Variants in PREX1 observed in about 807,000 individuals in gnomAD.
The protein encoded by PREX1 is phosphatidylinositol 3,4,5-trisphosphate-dependent Rac exchanger 1 protein.
In PREX1, 41 loss-of-function variants were observed where a neutral mutation model predicts 198.3. The observed-to-expected ratio is 0.21, with a 90% CI of 0.16 to 0.27. The LOEUF (loss-of-function observed/expected upper bound fraction) is 0.27, where lower values mean the gene tolerates loss of function less well. Among genes scored for constraint, PREX1 ranks in the 10% least tolerant of loss-of-function variants. PREX1 has a pLI of 1.00. For missense variants in PREX1, 1,620 were observed against 2,200.7 expected (o/e 0.74, Z 5.28); for synonymous variants, 843 against 887.2 (o/e 0.95, Z 0.89).
At chr20:48,700,913 A>G (rs367810632) in intron 6 of PREX1, 27 bp from the exon 7 acceptor site, 19 of 1,613,688 alleles carry the variant, frequency 1.2e-5, no homozygotes, top group Non-Finnish European at 1.6e-5. Context: ...GACACAGTGA[A>G]TGAGCCAACC....
intron 1 of PREX1, among the ~76,000 whole-genome samples, chr20:48,786,110 G>A (rs1462985589): frequency 6.6e-6 from 1 of 152,158 alleles, no homozygotes; most frequent in African/African-American, 2.4e-5. Context: ...GGGCCAGGAT[G>A]GCTCTGGGCA....
chr20:48,629,685 T>A, intron 36 of PREX1, 64 bp from the exon 37 acceptor site: 1 of 1,536,068 alleles, frequency 6.5e-7, no homozygotes, highest in South Asian at 1.2e-5. Flanking sequence ...TCAGCCCCCA[T>A]CTGGCCCTCC....
rs1293572613 is a variant in PREX1 at position 48,715,236 on chromosome 20, GA to G, written c.622-6816del. On this transcript the variant is annotated intron_variant, in intron 5 of 39. Transcript: ENST00000371941. ...GAACTACATGACTAAGAGGCCCGGTGAATCTGTAAGACCTCAAGGAGTCCAA... is the reference window on the plus strand; with the variant it reads ...GAACTACATGACTAAGAGGCCCGGTGATCTGTAAGACCTCAAGGAGTCCAA... Among the ~76,000 whole-genome samples the G allele has an allele frequency of 2.6e-5, 4 of 152,288 alleles. No individual in the cohort carries two copies. The East Asian group carries it at 7.7e-4, about 29-fold the overall frequency.
intron 6 of PREX1, among the ~76,000 whole-genome samples, 198 bp downstream of exon 6, chr20:48,708,062 C>A (rs1183551308): frequency 6.6e-6 from 1 of 152,200 alleles, no homozygotes. Flanking sequence ...CCAGTGTCAC[C>A]AAGTTTTTAA....
chr20:48,748,161 G>C (rs1470891266), intron 1 of PREX1, among the ~76,000 whole-genome samples: 4 of 152,156 alleles, frequency 2.6e-5, no homozygotes, highest in Non-Finnish European at 4.4e-5. Context: ...CAAAGCCCCT[G>C]CCTTCGAGGA....
chr20:48,657,712 G>GGT, intron 17 of PREX1, among the ~76,000 whole-genome samples: 1 of 152,118 alleles, frequency 6.6e-6, no homozygotes, highest in East Asian at 1.9e-4. Context: ...ACCTGCACAC[G>GGT]CCCCAGGCAA....
chr20:48,839,451 C>G, the PREX1 span, among the ~76,000 whole-genome samples: 9 of 152,174 alleles, frequency 5.9e-5, no homozygotes, highest in African/African-American at 2.2e-4. Flanking sequence ...GAGATAAAGA[C>G]ATAGTGTTTT....
chr20:48,661,419 CAAAAAAAAAAAAAAA>C (rs1168247790), intron 15 of PREX1, among the ~76,000 whole-genome samples: 1 of 12,024 alleles, frequency 8.3e-5, no homozygotes, highest in South Asian at 6.1e-3. Flanking sequence ...AACTCCATCT[CAAAAAAAAAAAAAAA>C]AAAAAAAAAA....
chr20:48,652,471 A>G, intron 21 of PREX1, 115 bp downstream of exon 21: 1 of 1,366,968 alleles, frequency 7.3e-7, no homozygotes, highest in South Asian at 1.5e-5. Flanking sequence ...ACCTGCTGGC[A>G]TGGAGGTGGA....
chr20:48,759,930 C>A lies in PREX1; in HGVS notation c.220-12050G>T, dbSNP rs1863794662. ...GCAATCAATCAATACGGCAAAACCT[C>A]ATCTCTACCAAAAATACAAACAAAC... On this transcript the variant is annotated intron_variant, in intron 1 of 39. Coordinates refer to ENST00000371941, the MANE Select transcript of PREX1 (RefSeq NM_020820.4). 2.0e-5 allele frequency among the ~76,000 whole-genome samples: 3 copies of A among 152,122 alleles called. No individual in the cohort carries two copies. In the South Asian group the frequency reaches 6.2e-4, roughly 32 times the overall value.
At chr20:48,804,094 C>T (rs1190652282) in intron 1 of PREX1, among the ~76,000 whole-genome samples, 1 of 152,086 alleles carries the variant, frequency 6.6e-6, no homozygotes, top group African/African-American at 2.4e-5. Flanking sequence ...TTTCTGACGC[C>T]CAGAAGAAGG....
In PREX1 at chr20:48,816,480, A is replaced by G. The variant is rs151216001; in HGVS notation, c.219+11162T>C. Among the ~76,000 whole-genome samples the G allele has an allele frequency of 6.5e-3, 994 of 152,286 alleles. 6 individuals are homozygous for G. Among genetic ancestry groups the G allele is most frequent in the African/African-American group, 0.023 (960 of 41,562 alleles). ...AAAATCAGCTGACTGAGTGAGCCTG[A>G]CCTAATCAGGTAAAGCCTTAAAAGA... is the stretch of plus-strand genomic sequence containing the variant. On this transcript the variant is annotated intron_variant, in intron 1 of 39. Coordinates refer to ENST00000371941, the MANE Select transcript of PREX1 (RefSeq NM_020820.4).
intron 5 of PREX1, among the ~76,000 whole-genome samples, chr20:48,717,700 T>G (rs367908308): frequency 1.6e-4 from 25 of 152,272 alleles, no homozygotes; most frequent in African/African-American, 5.8e-4. Flanking sequence ...AAAACTGTAG[T>G]CCCACCAATT....
At chr20:48,698,254 TG>T (rs1416045404) in intron 7 of PREX1, among the ~76,000 whole-genome samples, 3 of 152,132 alleles carry the variant, frequency 2.0e-5, no homozygotes, top group Non-Finnish European at 4.4e-5. Context: ...AATCAGCTGC[TG>T]TCCCTGCACA....
rs376337648 is a variant in PREX1, at chr20:48,751,706, G to A, written c.220-3826C>T. 2.4e-3 allele frequency among the ~76,000 whole-genome samples: 366 copies of A among 152,202 alleles called. 3 individuals are homozygous for A. Among genetic ancestry groups the A allele is most frequent in the Middle Eastern group, 0.014 (4 of 294 alleles). On this transcript the variant is annotated intron_variant, in intron 1 of 39. Coordinates refer to ENST00000371941, the MANE Select transcript of PREX1 (RefSeq NM_020820.4). ...GCTCTCATCTCCGAAGCCTCCCTTAGACACAATACTGTTCTCAGGATTTCC... is the reference window on the plus strand; with the variant it reads ...GCTCTCATCTCCGAAGCCTCCCTTAAACACAATACTGTTCTCAGGATTTCC...
intron 3 of PREX1, among the ~76,000 whole-genome samples, chr20:48,742,100 T>C (rs372365745): frequency 2.0e-4 from 30 of 152,220 alleles, no homozygotes; most frequent in African/African-American, 6.7e-4. Flanking sequence ...CCGACATTCA[T>C]CCTTGTGCCC....
intron 1 of PREX1, among the ~76,000 whole-genome samples, chr20:48,762,129 T>C (rs962213101): frequency 6.6e-6 from 1 of 152,216 alleles, no homozygotes; most frequent in Non-Finnish European, 1.5e-5. Context: ...ACATCACTAA[T>C]GGAATGCAGA....
chr20:48,717,722 G>C (rs2089968522), intron 5 of PREX1, among the ~76,000 whole-genome samples: 1 of 152,174 alleles, frequency 6.6e-6, no homozygotes, highest in Admixed American at 6.5e-5. Context: ...GGAATTAGCA[G>C]GAGAAAGGAA....
rs537318123 is a variant in PREX1 at position 48,650,112 on chromosome 20, T to A, written c.2912A>T (p.Asn971Ile). The A allele has an allele frequency of 1.2e-6, 2 of 1,613,868 alleles. No homozygotes were observed. The highest frequency in any genetic ancestry group is 3.3e-5 in the Admixed American group (2 of 60,010). ...CACTTCCATGAGGTTGATGTGGCAA[T>A]TGGTGGGGCAGAAGTCCAGGCCACA... ...PLCGLDFCPTNCHINLMEVSY... is the reference protein window; with the variant it reads ...PLCGLDFCPTICHINLMEVSY... Residue 971 changes from asparagine (N) to isoleucine (I), a missense_variant, in exon 24 of 40, where the codon AAT becomes ATT. This residue lies in a region of PREX1 where 514 missense variants were observed against 611.6 expected (regional missense o/e 0.84). Coordinates refer to ENST00000371941, the MANE Select transcript of PREX1 (RefSeq NM_020820.4).
Sources: gnomAD v4.1 joint callset for allele counts (sites outside exome capture counted in the v4.1 genomes callset) on GRCh38, gnomAD v4.1.1 for gene constraint, gnomAD v4.1.1 regional missense constraint, MANE v1.5 for transcripts, NCBI Gene and HGNC (gene_info 2026-07-23, HGNC 2026-07-21) for gene names.